The following FAM13A variants were observed in gnomAD, a reference collection of about 807,000 sequenced individuals.
The protein encoded by FAM13A is family with sequence similarity 13 member A.
FAM13A carries 76 observed loss-of-function variants against 129.6 expected under a neutral mutation model. The ratio of observed to expected loss-of-function variants is 0.59; its 90% CI spans 0.49 to 0.71. FAM13A has a LOEUF of 0.71. FAM13A is among the 30% of genes least tolerant of loss of function. FAM13A has a pLI of 0.00. For synonymous variants in FAM13A, 443 were observed against 449.9 expected, an observed-to-expected ratio of 0.98 and a Z score of 0.20; for missense variants, 1,108 against 1,249.3, an observed-to-expected ratio of 0.89 and a Z score of 1.70.
chr4:88,988,001 A>G (rs1762477895), intron 4 of FAM13A, among the ~76,000 whole-genome samples: 1 of 152,146 alleles, frequency 6.6e-6, no homozygotes, highest in Non-Finnish European at 1.5e-5. Flanking sequence ...TTTTCTTAAA[A>G]ACTCAATGTG....
At chr4:89,018,416 A>C (rs899848236) in intron 3 of FAM13A, among the ~76,000 whole-genome samples, 2 of 152,198 alleles carry the variant, frequency 1.3e-5, no homozygotes, top group African/African-American at 4.8e-5. Flanking sequence ...GACTGTGAGA[A>C]ATAAATTTCT....
chr4:88,921,894 G>T (rs1215738409), intron 5 of FAM13A, among the ~76,000 whole-genome samples: 1 of 151,868 alleles, frequency 6.6e-6, no homozygotes, highest in Non-Finnish European at 1.5e-5. Flanking sequence ...AGGCAGGGGT[G>T]GCAATCCTAG....
chr4:89,010,615 C>G (rs1042603428), intron 3 of FAM13A, among the ~76,000 whole-genome samples: 4 of 152,214 alleles, frequency 2.6e-5, no homozygotes, highest in African/African-American at 9.6e-5. Context: ...CTGGCCTTAT[C>G]TAAACACTAA....
In FAM13A at chr4:88,790,582, T is replaced by C. The variant is rs1441597036; in HGVS notation, c.1091+4A>G. ...AGCCCAAAAACCCAACCCAAATAAC[T>C]TACTCTCCGGTTGCAGACACATTGC... On this transcript the variant is annotated splice_donor_region_variant and intron_variant, in intron 9 of 23. Transcript: ENST00000264344. 6.8e-7 allele frequency: 1 copy of C among 1,471,246 alleles called. No homozygotes were observed. Among genetic ancestry groups the C allele is most frequent in the East Asian group, 2.9e-5 (1 of 34,738 alleles). The allele number at this position is 1,471,246 out of a possible 1,614,324, so 91.1% of individuals were successfully genotyped here. A position where few individuals can be genotyped will look rare whatever the true frequency, so the allele number is the denominator to read the frequency against.
At chr4:88,865,154 A>G (rs1561196764) in intron 6 of FAM13A, among the ~76,000 whole-genome samples, 2 of 152,144 alleles carry the variant, frequency 1.3e-5, no homozygotes, top group Non-Finnish European at 2.9e-5. Flanking sequence ...TTGAAAATTT[A>G]TTTTTCCTAT....
chr4:88,809,830 C>T (rs544693122), intron 7 of FAM13A, among the ~76,000 whole-genome samples: 186 of 151,000 alleles, frequency 1.2e-3, no homozygotes, highest in Admixed American at 2.0e-3. Flanking sequence ...TGGTTTGGTC[C>T]CAATCAAGAA....
chr4:88,754,327 G>A (rs1292260816), intron 14 of FAM13A, among the ~76,000 whole-genome samples: 1 of 152,192 alleles, frequency 6.6e-6, no homozygotes, highest in Non-Finnish European at 1.5e-5. Context: ...AGTACACATG[G>A]ATATAACGGA....
chr4:88,874,920 A>G (rs1325807621), intron 6 of FAM13A, among the ~76,000 whole-genome samples: 1 of 152,260 alleles, frequency 6.6e-6, no homozygotes, highest in Non-Finnish European at 1.5e-5. Flanking sequence ...CCAAAACAGC[A>G]TGGTACTGGT....
intron 4 of FAM13A, among the ~76,000 whole-genome samples, chr4:88,975,673 G>C (rs1318836024): frequency 6.6e-6 from 1 of 152,136 alleles, no homozygotes; most frequent in African/African-American, 2.4e-5. Context: ...ATCCGAATTT[G>C]CTTTTTCTCT....
intron 7 of FAM13A, among the ~76,000 whole-genome samples, chr4:88,819,448 C>T (rs1223392402): frequency 6.6e-6 from 1 of 152,078 alleles, no homozygotes; most frequent in African/African-American, 2.4e-5. Context: ...AGCTATGACT[C>T]AGAGTTAAAA....
intron 1 of FAM13A, among the ~76,000 whole-genome samples, chr4:89,047,633 C>A (rs1480828117): frequency 6.6e-6 from 1 of 152,130 alleles, no homozygotes; most frequent in Admixed American, 6.5e-5. Flanking sequence ...TTGCCTATTC[C>A]CAACCCCTCC....
chr4:89,034,603 T>C (rs1769121204), intron 1 of FAM13A, among the ~76,000 whole-genome samples: 1 of 152,114 alleles, frequency 6.6e-6, no homozygotes, highest in Admixed American at 6.5e-5. Context: ...ATAAATCAGC[T>C]GGGCACGGTG....
chr4:88,730,106 T>A (rs1324188117), intron 23 of FAM13A: 1 of 152,220 alleles, frequency 6.6e-6, no homozygotes, highest in Non-Finnish European at 1.5e-5. Flanking sequence ...ACAAAGTTAA[T>A]TTTTATGGTG....
At chr4:88,943,375 T>C (rs1755108104) in intron 4 of FAM13A, among the ~76,000 whole-genome samples, 1 of 152,238 alleles carries the variant, frequency 6.6e-6, no homozygotes, top group South Asian at 2.1e-4. Context: ...TATGGATATG[T>C]TATTGATATG....
At chr4:89,003,181 A>C (rs1764493529) in intron 3 of FAM13A, among the ~76,000 whole-genome samples, 1 of 152,228 alleles carries the variant, frequency 6.6e-6, no homozygotes, top group Middle Eastern at 3.4e-3. Context: ...TACAAGTGGG[A>C]GCAGAAAATA....
rs191327296 is a variant in FAM13A at position 89,008,050 on chromosome 4, A to G, written c.427+12410T>C. 2.6e-3 allele frequency among the ~76,000 whole-genome samples: 311 copies of G among 119,008 alleles called. 1 individual carries two copies. The highest frequency in any genetic ancestry group is 3.5e-3 in the Non-Finnish European group (202 of 57,122). 78.1% of individuals were successfully genotyped at this position (119,008 alleles called of 152,430 possible). On this transcript the variant is annotated intron_variant, in intron 3 of 23. Transcript: ENST00000264344. ...CTTTTTCCTTACTTCTAAATTCACTAGACATTAAGGATTTCCGAGATCTGT... is the reference window on the plus strand; with the variant it reads ...CTTTTTCCTTACTTCTAAATTCACTGGACATTAAGGATTTCCGAGATCTGT...
intron 6 of FAM13A, among the ~76,000 whole-genome samples, chr4:88,867,644 C>T (rs1740679319): frequency 6.6e-6 from 1 of 152,090 alleles, no homozygotes; most frequent in South Asian, 2.1e-4. Context: ...ATAATGAGGA[C>T]TACTGTACTA....
intron 5 of FAM13A, among the ~76,000 whole-genome samples, chr4:88,926,950 G>T (rs1005998185): frequency 6.6e-6 from 1 of 151,872 alleles, no homozygotes; most frequent in Non-Finnish European, 1.5e-5. Flanking sequence ...TGAAGTCTGG[G>T]CTTTTAGTGT....
chr4:89,034,693 C>G (rs1423473214), intron 1 of FAM13A, among the ~76,000 whole-genome samples: 1 of 152,106 alleles, frequency 6.6e-6, no homozygotes, highest in African/African-American at 2.4e-5. Flanking sequence ...GCCAGCCTGG[C>G]CAACATGGCG....
Sources: allele counts gnomAD v4.1 joint callset (sites outside exome capture counted in the v4.1 genomes callset), GRCh38; gene constraint gnomAD v4.1.1; transcripts MANE v1.5; gene names NCBI Gene and HGNC (gene_info 2026-07-23, HGNC 2026-07-21).